The following PARD3B variants were observed in gnomAD, a reference collection of about 807,000 sequenced individuals.
The protein encoded by PARD3B is partitioning defective 3 homolog B.
A neutral mutation model predicts 130.2 loss-of-function variants in PARD3B; 103 were observed. That is an observed-to-expected ratio of 0.79 (90% CI 0.67 to 0.93). PARD3B has a LOEUF of 0.93. Ranked by LOEUF, PARD3B falls within the 40% of genes least tolerant of loss-of-function variation. PARD3B has a pLI of 0.00. For synonymous variants in PARD3B, 583 were observed against 553.2 expected (o/e 1.05, Z -0.76); for missense variants, 1,609 against 1,499.2 (o/e 1.07, Z -1.21).
At chr2:204,843,736 G>C (rs1424462752) in intron 2 of PARD3B, among the ~76,000 whole-genome samples, 2 of 152,080 alleles carry the variant, frequency 1.3e-5, no homozygotes, top group African/African-American at 4.8e-5. Flanking sequence ...AGGTGCATCT[G>C]AATTTCTGCC....
At chr2:205,455,623 T>TATAATTATTATATAGTC (rs1258822835) in intron 20 of PARD3B, among the ~76,000 whole-genome samples, 1 of 151,964 alleles carries the variant, frequency 6.6e-6, no homozygotes, top group Non-Finnish European at 1.5e-5. Context: ...ACCATATAGT[T>TATAATTATTATATAGTC]ATAATTATTA....
intron 2 of PARD3B, among the ~76,000 whole-genome samples, chr2:204,862,371 T>A (rs1245258376): frequency 1.3e-5 from 2 of 152,172 alleles, no homozygotes; most frequent in East Asian, 1.9e-4. Context: ...CTTCTTTCAT[T>A]AATGGCTGAA....
intron 2 of PARD3B, among the ~76,000 whole-genome samples, chr2:204,693,479 G>A (rs1382133345): frequency 1.3e-5 from 2 of 152,026 alleles, no homozygotes; most frequent in Non-Finnish European, 2.9e-5. Flanking sequence ...TCATGGATAA[G>A]TGGAACTAAA....
At chr2:205,491,440 G>A (rs1373002227) in intron 20 of PARD3B, among the ~76,000 whole-genome samples, 1 of 151,978 alleles carries the variant, frequency 6.6e-6, no homozygotes, top group Non-Finnish European at 1.5e-5. Context: ...TTATTTCTGA[G>A]GGTTCTGTTC....
chr2:204,739,513 G>A (rs1351621210), intron 2 of PARD3B, among the ~76,000 whole-genome samples: 1 of 152,060 alleles, frequency 6.6e-6, no homozygotes, highest in Non-Finnish European at 1.5e-5. Context: ...GGAGCGCAGT[G>A]GTACAATCAT....
intron 3 of PARD3B, among the ~76,000 whole-genome samples, chr2:205,042,494 G>C (rs1698465474): frequency 6.6e-6 from 1 of 151,934 alleles, no homozygotes; most frequent in African/African-American, 2.4e-5. Context: ...ATCCTGATAT[G>C]GCAAGATCCT....
At chr2:204,889,741 G>A (rs770487713) in intron 2 of PARD3B, among the ~76,000 whole-genome samples, 2 of 152,186 alleles carry the variant, frequency 1.3e-5, no homozygotes, top group Admixed American at 6.5e-5. Context: ...ACCTCTGATA[G>A]TCATTCACAG....
intron 2 of PARD3B, among the ~76,000 whole-genome samples, chr2:204,716,785 G>T (rs2038752550): frequency 6.6e-6 from 1 of 151,804 alleles, no homozygotes; most frequent in Non-Finnish European, 1.5e-5. Flanking sequence ...ACCACGCCTG[G>T]CTAATTTTTT....
intron 5 of PARD3B, among the ~76,000 whole-genome samples, chr2:205,110,222 G>A (rs1703532774): frequency 1.3e-5 from 2 of 152,170 alleles, no homozygotes; most frequent in East Asian, 1.9e-4. Flanking sequence ...TTTGCCTTGT[G>A]TAAAGAAATG....
chr2:204,755,815 C>G (rs2040644239), intron 2 of PARD3B, among the ~76,000 whole-genome samples: 1 of 152,100 alleles, frequency 6.6e-6, no homozygotes, highest in African/African-American at 2.4e-5. Context: ...CAGAGAAATG[C>G]TTGATGACTT....
At chr2:204,833,352 G>A (rs990462259) in intron 2 of PARD3B, among the ~76,000 whole-genome samples, 1 of 152,140 alleles carries the variant, frequency 6.6e-6, no homozygotes, top group African/African-American at 2.4e-5. Flanking sequence ...TTTCTTGACT[G>A]TTAACACAGC....
chr2:204,656,758 C>T (rs975969625), intron 1 of PARD3B, among the ~76,000 whole-genome samples: 4 of 152,204 alleles, frequency 2.6e-5, no homozygotes, highest in Non-Finnish European at 4.4e-5. Flanking sequence ...GTATCTGTCA[C>T]TGTGGGCTCA....
intron 16 of PARD3B, among the ~76,000 whole-genome samples, chr2:205,273,363 A>G (rs966685594): frequency 6.6e-6 from 1 of 152,216 alleles, no homozygotes; most frequent in Non-Finnish European, 1.5e-5. Context: ...CCTTTGTTAT[A>G]CTTACTGTGA....
chr2:204,649,203 G>A (rs1033656786), intron 1 of PARD3B, among the ~76,000 whole-genome samples: 1 of 150,528 alleles, frequency 6.6e-6, no homozygotes, highest in Non-Finnish European at 1.5e-5. Flanking sequence ...GCCAACACTT[G>A]TGTTGTCAAG....
intron 18 of PARD3B, among the ~76,000 whole-genome samples, chr2:205,386,464 C>G (rs1444368678): frequency 6.6e-6 from 1 of 151,944 alleles, no homozygotes; most frequent in Non-Finnish European, 1.5e-5. Context: ...AAGACTCTGT[C>G]TGTGAACAAG....
intron 21 of PARD3B, among the ~76,000 whole-genome samples, chr2:205,507,303 C>T (rs1000070821): frequency 6.8e-6 from 1 of 146,716 alleles, no homozygotes; most frequent in South Asian, 2.2e-4. Context: ...CAAGCTCCAC[C>T]TCCGGGGTTC....
rs568329159 is a variant in PARD3B at position 204,641,521 on chromosome 2, T to C, written c.121-44660T>C. Among the ~76,000 whole-genome samples the C allele has an allele frequency of 3.3e-5, 5 of 152,242 alleles. No individual in the cohort carries two copies. The East Asian group carries it at 9.6e-4, about 29-fold the overall frequency. ...TTATATTTATAGTTGTTCATGCTTG[T>C]TGTAAATAAAAACTGGAATGAAGTA... On this transcript the variant is annotated intron_variant, in intron 1 of 22. Transcript: ENST00000406610.
At chr2:205,218,323 A>C (rs2038060203) in intron 15 of PARD3B, among the ~76,000 whole-genome samples, 2 of 152,206 alleles carry the variant, frequency 1.3e-5, no homozygotes, top group African/African-American at 2.4e-5. Flanking sequence ...AAACCTACTG[A>C]AGTATGTGAG....
At chr2:205,555,504 C>CT (rs1177238742) in intron 22 of PARD3B, among the ~76,000 whole-genome samples, 1 of 152,194 alleles carries the variant, frequency 6.6e-6, no homozygotes, top group African/African-American at 2.4e-5. Context: ...ATGGCTGACT[C>CT]TAAACAAGTA....
Sources: gnomAD v4.1 joint callset for allele counts (sites outside exome capture counted in the v4.1 genomes callset) on GRCh38, gnomAD v4.1.1 for gene constraint, MANE v1.5 for transcripts, NCBI Gene and HGNC (gene_info 2026-07-23, HGNC 2026-07-21) for gene names.